DCC: variants seen among roughly 807,000 people sequenced by gnomAD.
The protein encoded by DCC is netrin receptor DCC.
In DCC, 58 loss-of-function variants were observed where a neutral mutation model predicts 172.5. That is an observed-to-expected ratio of 0.34 (90% CI 0.27 to 0.42). The LOEUF (loss-of-function observed/expected upper bound fraction) is 0.42, where lower values mean the gene tolerates loss of function less well. DCC is among the 10% of genes least tolerant of loss of function. The pLI is 1.00. For missense variants in DCC, 1,740 were observed against 1,791.0 expected (o/e 0.97, Z 0.51); for synonymous variants, 709 against 644.5 (o/e 1.10, Z -1.52).
chr18:52,364,492 T>C (rs559513058), intron 1 of DCC, among the ~76,000 whole-genome samples: 8 of 152,298 alleles, frequency 5.3e-5, no homozygotes, highest in Admixed American at 5.2e-4. Flanking sequence ...CTATTATGAA[T>C]GCAATTAAAA....
rs1267812232 is a variant in DCC at position 52,927,246 on chromosome 18, C to CAT, written c.985+1880_985+1881dup. On this transcript the variant is annotated intron_variant, in intron 5 of 28. Coordinates refer to ENST00000442544, the MANE Select transcript of DCC (RefSeq NM_005215.4). ...ATATGCACATATATACTTATATGTACATATACACATATATGCACATATATA... is the reference window on the plus strand; with the variant it reads ...ATATGCACATATATACTTATATGTACATATATACACATATATGCACATATATA... Among the ~76,000 whole-genome samples, 4 of 135,124 alleles carry CAT rather than the reference C, an allele frequency of 3.0e-5. No homozygotes were observed. The East Asian group carries it at 8.8e-4, about 30-fold the overall frequency. 88.6% of individuals were successfully genotyped at this position (135,124 alleles called of 152,430 possible).
chr18:53,462,367 T>C (rs1317849284), intron 24 of DCC, among the ~76,000 whole-genome samples: 1 of 152,000 alleles, frequency 6.6e-6, no homozygotes, highest in Non-Finnish European at 1.5e-5. Flanking sequence ...AGCACTGGAT[T>C]CTTATAGGAG....
intron 24 of DCC, among the ~76,000 whole-genome samples, chr18:53,466,478 CTT>C (rs1314649482): frequency 4.6e-5 from 7 of 152,142 alleles, no homozygotes; most frequent in African/African-American, 9.7e-5. Flanking sequence ...AATGTATCCT[CTT>C]TTCTGTTTTG....
chr18:53,339,119 A>C (rs1374909745), intron 14 of DCC, among the ~76,000 whole-genome samples: 1 of 152,226 alleles, frequency 6.6e-6, no homozygotes, highest in Non-Finnish European at 1.5e-5. Flanking sequence ...AAATTTGCAC[A>C]GGTCCAAAGG....
At chr18:52,851,643 G>C (rs1282800519) in intron 2 of DCC, among the ~76,000 whole-genome samples, 2 of 152,066 alleles carry the variant, frequency 1.3e-5, no homozygotes, top group African/African-American at 4.8e-5. Flanking sequence ...ATAGCAAATT[G>C]AGTTTAAGAA....
intron 7 of DCC, among the ~76,000 whole-genome samples, chr18:53,127,136 G>GTT (rs11285251): frequency 2.3e-5 from 3 of 129,254 alleles, no homozygotes; most frequent in Admixed American, 7.7e-5. Flanking sequence ...TTTGATCGTT[G>GTT]TTTTTTTTTT....
intron 8 of DCC, among the ~76,000 whole-genome samples, chr18:53,176,399 A>C (rs1208536642): frequency 6.9e-6 from 1 of 144,594 alleles, no homozygotes; most frequent in Non-Finnish European, 1.5e-5. Flanking sequence ...GCAACCTACA[A>C]AATGGGAGAA....
intron 5 of DCC, among the ~76,000 whole-genome samples, chr18:53,008,245 A>G (rs2041674526): frequency 6.6e-6 from 1 of 152,112 alleles, no homozygotes; most frequent in Admixed American, 6.6e-5. Context: ...GTTTATTGAT[A>G]GCACTTTGCT....
intron 5 of DCC, among the ~76,000 whole-genome samples, chr18:52,962,361 T>C (rs1402986924): frequency 1.1e-4 from 16 of 149,990 alleles, no homozygotes; most frequent in African/African-American, 3.2e-4. Context: ...AAAATGCTCA[T>C]CATCACTGGC....
intron 10 of DCC, among the ~76,000 whole-genome samples, chr18:53,206,799 A>C (rs1281188595): frequency 6.6e-6 from 1 of 151,394 alleles, no homozygotes; most frequent in Non-Finnish European, 1.5e-5. Context: ...GGGAGTTCTT[A>C]TTATTTGTTG....
At chr18:52,405,902 C>T (rs374267863) in intron 1 of DCC, among the ~76,000 whole-genome samples, 1 of 151,608 alleles carries the variant, frequency 6.6e-6, no homozygotes, top group Non-Finnish European at 1.5e-5. Flanking sequence ...GGAGGCATCA[C>T]ACTACCTGAC....
At chr18:53,339,601 G>T in intron 14 of DCC, 112 bp from the exon 15 acceptor site, 1 of 831,490 alleles carries the variant, frequency 1.2e-6, no homozygotes, top group African/African-American at 1.7e-5. Context: ...GGCAATAGGT[G>T]ATGCATTATT....
intron 1 of DCC, among the ~76,000 whole-genome samples, chr18:52,728,874 G>A (rs9959476): frequency 0.063 from 9,532 of 152,168 alleles, 972 homozygotes; most frequent in African/African-American, 0.22. Context: ...TGTCAAAAGG[G>A]CAGATTGGTC....
At chr18:53,065,779 G>T (rs1455900317) in intron 6 of DCC, among the ~76,000 whole-genome samples, 1 of 152,024 alleles carries the variant, frequency 6.6e-6, no homozygotes, top group Admixed American at 6.6e-5. Context: ...GCTCATTTAG[G>T]TATTGAGGAT....
chr18:53,356,064 TA>T (rs2057874615), intron 15 of DCC, among the ~76,000 whole-genome samples: 1 of 152,124 alleles, frequency 6.6e-6, no homozygotes, highest in African/African-American at 2.4e-5. Flanking sequence ...TTCACTTATT[TA>T]TTTTTTTGAG....
chr18:53,141,580 G>A (rs1160018355), intron 7 of DCC, among the ~76,000 whole-genome samples: 2 of 152,182 alleles, frequency 1.3e-5, no homozygotes, highest in East Asian at 3.8e-4. Context: ...CTAGCATGAG[G>A]AGCGAACTAT....
At chr18:53,486,982 A>G (rs997502503) in intron 26 of DCC, 24 bp downstream of exon 26, 18 of 1,613,596 alleles carry the variant, frequency 1.1e-5, no homozygotes, top group Non-Finnish European at 1.4e-5. Context: ...CTCTCTTTTT[A>G]ATAAGCACAA....
chr18:52,790,661 G>A (rs978342483), intron 2 of DCC, among the ~76,000 whole-genome samples: 6 of 152,200 alleles, frequency 3.9e-5, no homozygotes, highest in Non-Finnish European at 8.8e-5. Flanking sequence ...AAGAGGTACT[G>A]CTTCCTTTCC....
rs1177721790 is a variant in DCC, at chr18:53,090,403, G to A, written c.1261+24237G>A. Among the ~76,000 whole-genome samples the A allele has an allele frequency of 2.0e-5, 3 of 151,858 alleles. No homozygotes were observed. In the East Asian group the frequency reaches 5.8e-4, roughly 29 times the overall value. Reference sequence around the variant, plus strand: ...TGTGGAAGAACTAGCATTTTGAGGGGTGACATAAAGAATGTATTGGTGGCT... The same window carrying A: ...TGTGGAAGAACTAGCATTTTGAGGGATGACATAAAGAATGTATTGGTGGCT... On this transcript the variant is annotated intron_variant, in intron 7 of 28. Coordinates refer to ENST00000442544, the MANE Select transcript of DCC (RefSeq NM_005215.4).
Sources: allele counts gnomAD v4.1 joint callset (sites outside exome capture counted in the v4.1 genomes callset), GRCh38; gene constraint gnomAD v4.1.1; transcripts MANE v1.5; gene names NCBI Gene and HGNC (gene_info 2026-07-23, HGNC 2026-07-21).